The following ANK2 variants were observed in gnomAD, a reference collection of about 807,000 sequenced individuals.
ANK2 encodes the protein ankyrin 2.
In ANK2, 83 loss-of-function variants were observed where a neutral mutation model predicts 360.5. That is an observed-to-expected ratio of 0.23 (90% CI 0.19 to 0.28). ANK2 has a LOEUF of 0.28. Among genes scored for constraint, ANK2 ranks in the 10% least tolerant of loss-of-function variants. The pLI is 1.00. For synonymous variants in ANK2, 1,740 were observed against 1,759.5 expected (o/e 0.99, Z 0.28); for missense variants, 4,201 against 4,795.7 (o/e 0.88, Z 3.66).
intron 2 of ANK2, among the ~76,000 whole-genome samples, chr4:112,951,117 T>C (rs1198895026): frequency 1.3e-5 from 2 of 150,954 alleles, no homozygotes; most frequent in African/African-American, 4.9e-5. Context: ...TGTGTGCCTC[T>C]TTGACAGTAA....
Position 113,278,758 on chromosome 4 carries a change from T to A in ANK2, c.1881+200T>A, listed in dbSNP as rs29386. 2.1e-3 allele frequency among the ~76,000 whole-genome samples: 326 copies of A among 152,172 alleles called. 3 individuals are homozygous for A. Among genetic ancestry groups the A allele is most frequent in the African/African-American group, 7.4e-3 (307 of 41,510 alleles). ...AATCTTTTTTAAGATTTTTTAAGAGTCAGCAAATATTAAGGGGATGTGCCT... is the reference window on the plus strand; with the variant it reads ...AATCTTTTTTAAGATTTTTTAAGAGACAGCAAATATTAAGGGGATGTGCCT... On this transcript the variant is annotated intron_variant, in intron 17 of 45. Coordinates refer to ENST00000357077, the MANE Select transcript of ANK2 (RefSeq NM_001148.6).
At chr4:113,093,715 T>C (rs683065) in intron 1 of ANK2, among the ~76,000 whole-genome samples, 124,722 of 152,240 alleles carry the variant, frequency 0.82, 51,678 homozygotes, top group African/African-American at 0.95. Flanking sequence ...AAAGTCAGCT[T>C]TCCTCTCCTC....
chr4:113,059,174 T>C (rs1182803443), intron 1 of ANK2, among the ~76,000 whole-genome samples: 1 of 152,172 alleles, frequency 6.6e-6, no homozygotes, highest in East Asian at 1.9e-4. Flanking sequence ...GATTTCGACT[T>C]AGGGATCTTG....
chr4:113,166,459 G>A (rs1399365759), intron 1 of ANK2, among the ~76,000 whole-genome samples: 4 of 151,808 alleles, frequency 2.6e-5, no homozygotes, highest in African/African-American at 9.7e-5. Flanking sequence ...ATATATATAT[G>A]CATACATACA....
chr4:112,987,494 C>T (rs962114029), intron 2 of ANK2, among the ~76,000 whole-genome samples: 16 of 152,052 alleles, frequency 1.1e-4, no homozygotes, highest in Non-Finnish European at 2.1e-4. Flanking sequence ...TCACAGGTGG[C>T]GGGTGACAAG....
the ANK2 span, among the ~76,000 whole-genome samples, chr4:112,720,448 T>C: frequency 2.0e-5 from 3 of 152,210 alleles, no homozygotes; most frequent in South Asian, 2.1e-4. Context: ...CAGGACCACA[T>C]TGGGTCTTAT....
At chr4:113,256,698 G>C (rs551975510) in intron 11 of ANK2, among the ~76,000 whole-genome samples, 2 of 152,048 alleles carry the variant, frequency 1.3e-5, no homozygotes, top group African/African-American at 2.4e-5. Flanking sequence ...GTGTTTACAT[G>C]GTTTGTGTCT....
chr4:113,099,186 T>C (rs184348836), intron 1 of ANK2, among the ~76,000 whole-genome samples: 70 of 151,984 alleles, frequency 4.6e-4, no homozygotes, highest in African/African-American at 1.5e-3. Context: ...AAATAACAGA[T>C]ATATTGGGAA....
the ANK2 span, among the ~76,000 whole-genome samples, chr4:112,762,282 CATGTT>C: frequency 6.6e-6 from 1 of 152,118 alleles, no homozygotes; most frequent in Non-Finnish European, 1.5e-5. Flanking sequence ...TTCAAGGAAA[CATGTT>C]AGATAAAGGA....
At chr4:113,145,496 A>C (rs2096794290) in intron 1 of ANK2, 4 of 655,888 alleles carry the variant, frequency 6.1e-6, no homozygotes, top group Non-Finnish European at 7.6e-6. Context: ...ACTTAAGTCC[A>C]TGTGTGAGGC....
intron 10 of ANK2, among the ~76,000 whole-genome samples, chr4:113,250,990 T>C (rs891298094): frequency 1.2e-4 from 19 of 152,262 alleles, no homozygotes; most frequent in African/African-American, 4.6e-4. Flanking sequence ...GAGAAATAAT[T>C]ATCCGCGTTA....
At chr4:113,090,919 T>C (rs1015596768) in intron 1 of ANK2, among the ~76,000 whole-genome samples, 24 of 152,128 alleles carry the variant, frequency 1.6e-4, no homozygotes, top group African/African-American at 5.6e-4. Flanking sequence ...AATGACAGAG[T>C]TGTGGCTGAA....
rs1468441295 is a variant in ANK2, at chr4:113,282,765, G to A, written c.1972G>A (p.Val658Met). 1 of 1,613,978 alleles carries A rather than the reference G, an allele frequency of 6.2e-7. No homozygotes were observed. The highest frequency in any genetic ancestry group is 8.5e-7 in the Non-Finnish European group (1 of 1,179,944). Reference protein sequence around the residue: ...LLNYGAETNIVTKQGVTPLHL... With the variant: ...LLNYGAETNIMTKQGVTPLHL... Reference sequence around the variant, plus strand: ...GAACTATGGAGCAGAGACAAACATTGTGACAAAGCAAGGAGTAACTCCACT... The same window carrying A: ...GAACTATGGAGCAGAGACAAACATTATGACAAAGCAAGGAGTAACTCCACT... Residue 658 changes from valine (V) to methionine (M), a missense_variant, in exon 18 of 46, where the codon GTG becomes ATG. By Grantham distance (21) the Val-to-Met change is conservative (BLOSUM62 1). Transcript: ENST00000357077.
At chr4:112,756,198 A>G in the ANK2 span, among the ~76,000 whole-genome samples, 1 of 147,184 alleles carries the variant, frequency 6.8e-6, no homozygotes, top group East Asian at 2.0e-4. Context: ...AGATCACACC[A>G]CTGCACTTCA....
intron 1 of ANK2, among the ~76,000 whole-genome samples, chr4:112,822,252 A>C (rs1226013829): frequency 2.7e-5 from 4 of 149,448 alleles, no homozygotes; most frequent in South Asian, 2.1e-4. Context: ...AAAAAAAAAA[A>C]AAAAAAAAAA....
chr4:113,112,119 A>G (rs1232914747), intron 1 of ANK2, among the ~76,000 whole-genome samples: 3 of 152,206 alleles, frequency 2.0e-5, no homozygotes, highest in Admixed American at 1.3e-4. Context: ...TAAAAGGATA[A>G]TTTTAAGTTC....
chr4:112,742,258 C>G, the ANK2 span, among the ~76,000 whole-genome samples: 1 of 152,198 alleles, frequency 6.6e-6, no homozygotes, highest in Admixed American at 6.5e-5. Context: ...CAGAGCGAGA[C>G]TCTGTCTCAG....
At chr4:113,204,662 A>T (rs909432047) in intron 4 of ANK2, among the ~76,000 whole-genome samples, 1 of 152,212 alleles carries the variant, frequency 6.6e-6, no homozygotes, top group Non-Finnish European at 1.5e-5. Context: ...ATGAAGCCAC[A>T]AACCTGTGGT....
Position 113,357,025 on chromosome 4 carries a change from G to A in ANK2, c.8407G>A (p.Glu2803Lys). The A allele has an allele frequency of 6.2e-7, 1 of 1,614,034 alleles. No individual in the cohort carries two copies. The highest frequency in any genetic ancestry group is 8.5e-7 in the Non-Finnish European group (1 of 1,179,952). ...LQSPTGDDVD[E>K]QPVIYKESLA... Reference sequence around the variant, plus strand: ...GAGTCCGACTGGTGATGATGTTGATGAACAGCCAGTCATCTATAAAGAATC... The same window carrying A: ...GAGTCCGACTGGTGATGATGTTGATAAACAGCCAGTCATCTATAAAGAATC... Residue 2803 changes from glutamate (E) to lysine (K), a missense_variant, in exon 38 of 46, where the codon GAA becomes AAA. Transcript: ENST00000357077.
Sources: allele counts gnomAD v4.1 joint callset (sites outside exome capture counted in the v4.1 genomes callset), GRCh38; gene constraint gnomAD v4.1.1; transcripts MANE v1.5; gene names NCBI Gene and HGNC (gene_info 2026-07-23, HGNC 2026-07-21).